Variants in PAPPA2 observed in about 807,000 individuals in gnomAD.
PAPPA2 encodes the protein pappalysin 2, also known as pappalysin-2.
PAPPA2 carries 86 observed loss-of-function variants against 176.4 expected under a neutral mutation model. The ratio of observed to expected loss-of-function variants is 0.49; its 90% CI spans 0.41 to 0.58. PAPPA2 has a LOEUF of 0.58. PAPPA2 is among the 20% of genes least tolerant of loss of function. The pLI is 0.00. For missense variants in PAPPA2, 2,073 were observed against 2,256.9 expected, an observed-to-expected ratio of 0.92 and a Z score of 1.65; for synonymous variants, 809 against 852.2, an observed-to-expected ratio of 0.95 and a Z score of 0.88.
chr1:176,628,900 C>A (rs1004507784), intron 3 of PAPPA2, among the ~76,000 whole-genome samples: 4 of 152,154 alleles, frequency 2.6e-5, no homozygotes, highest in African/African-American at 9.7e-5. Flanking sequence ...ACAGTTCTTT[C>A]ATGTTAAGAG....
intron 14 of PAPPA2, among the ~76,000 whole-genome samples, chr1:176,753,554 CTTTTTTTTTT>C (rs77817405): frequency 2.7e-5 from 2 of 73,498 alleles, no homozygotes; most frequent in Admixed American, 1.4e-4. Context: ...AAGGCTCCTC[CTTTTTTTTTT>C]TTTTTTTTTT....
chr1:176,487,921 A>C (rs1163847348), intron 1 of PAPPA2, among the ~76,000 whole-genome samples: 2 of 152,212 alleles, frequency 1.3e-5, no homozygotes, highest in Non-Finnish European at 2.9e-5. Context: ...TTCTAATTTC[A>C]ACAGAAACAA....
At chr1:176,640,319 T>A (rs1656995859) in intron 3 of PAPPA2, among the ~76,000 whole-genome samples, 2 of 150,278 alleles carry the variant, frequency 1.3e-5, no homozygotes, top group Admixed American at 1.3e-4. Flanking sequence ...ATTAGGTATA[T>A]CTCCCAATGC....
intron 17 of PAPPA2, among the ~76,000 whole-genome samples, chr1:176,783,006 G>A (rs1011244575): frequency 6.6e-6 from 1 of 152,166 alleles, no homozygotes; most frequent in African/African-American, 2.4e-5. Flanking sequence ...AGGTAAGATT[G>A]AGAGGAAGAA....
intron 21 of PAPPA2, among the ~76,000 whole-genome samples, chr1:176,833,126 C>A (rs1475267625): frequency 6.6e-6 from 1 of 152,206 alleles, no homozygotes; most frequent in African/African-American, 2.4e-5. Context: ...TCAATTACAT[C>A]TTCTCATCTC....
At chr1:176,590,687 TA>T (rs1466351265) in intron 2 of PAPPA2, among the ~76,000 whole-genome samples, 1 of 152,188 alleles carries the variant, frequency 6.6e-6, no homozygotes, top group South Asian at 2.1e-4. Context: ...CACTTTCAAA[TA>T]AGGAAACCAG....
intron 1 of PAPPA2, among the ~76,000 whole-genome samples, chr1:176,483,659 T>C (rs1485669143): frequency 6.6e-6 from 1 of 151,826 alleles, no homozygotes; most frequent in Non-Finnish European, 1.5e-5. Context: ...TTAGTAGAGA[T>C]GGGGTTTCAC....
intron 22 of PAPPA2, among the ~76,000 whole-genome samples, chr1:176,841,566 C>T (rs1240974769): frequency 6.6e-6 from 1 of 151,970 alleles, no homozygotes; most frequent in Non-Finnish European, 1.5e-5. Flanking sequence ...AAAATCATTG[C>T]CACTTTTATA....
chr1:176,515,679 C>A (rs1469908719), intron 1 of PAPPA2, among the ~76,000 whole-genome samples: 2 of 152,184 alleles, frequency 1.3e-5, no homozygotes, highest in Non-Finnish European at 2.9e-5. Context: ...CTGGGCGAGG[C>A]TGGCTTTGAG....
intron 21 of PAPPA2, among the ~76,000 whole-genome samples, chr1:176,833,929 G>A (rs538948442): frequency 2.0e-5 from 3 of 152,142 alleles, no homozygotes; most frequent in African/African-American, 2.4e-5. Flanking sequence ...TAGAGTAGAT[G>A]CCCATAAAAT....
chr1:176,649,035 A>G (rs2102739507), intron 3 of PAPPA2, among the ~76,000 whole-genome samples: 1 of 151,440 alleles, frequency 6.6e-6, no homozygotes, highest in South Asian at 2.1e-4. Flanking sequence ...AATATTTGGT[A>G]ATTTTGGACA....
At chr1:176,739,841 A>T in intron 13 of PAPPA2, 80 bp downstream of exon 13, 1 of 1,581,908 alleles carries the variant, frequency 6.3e-7, no homozygotes. Context: ...TCTGTCTTTT[A>T]TGTTGTCTGG....
chr1:176,626,252 C>A (rs1257069652), intron 3 of PAPPA2, among the ~76,000 whole-genome samples: 3 of 152,092 alleles, frequency 2.0e-5, no homozygotes, highest in Admixed American at 6.6e-5. Context: ...TTTTTCTTTA[C>A]AGTTTTATCA....
At chr1:176,517,613 C>A (rs1335344116) in intron 1 of PAPPA2, among the ~76,000 whole-genome samples, 1 of 152,066 alleles carries the variant, frequency 6.6e-6, no homozygotes, top group Non-Finnish European at 1.5e-5. Context: ...GGGACTGATG[C>A]AATTAAAAAC....
chr1:176,708,492 T>C (rs1558534041), intron 10 of PAPPA2, among the ~76,000 whole-genome samples: 2 of 149,794 alleles, frequency 1.3e-5, no homozygotes, highest in African/African-American at 4.9e-5. Context: ...AGTTACTGGG[T>C]TATAAGAAGA....
chr1:176,807,001 G>GT (rs1665935228), intron 21 of PAPPA2, among the ~76,000 whole-genome samples: 1 of 152,100 alleles, frequency 6.6e-6, no homozygotes, highest in South Asian at 2.1e-4. Flanking sequence ...ACCAATTCTG[G>GT]TTTTGGATTT....
chr1:176,528,627 G>A (rs532575049), intron 1 of PAPPA2, among the ~76,000 whole-genome samples: 1 of 152,276 alleles, frequency 6.6e-6, no homozygotes, highest in East Asian at 1.9e-4. Flanking sequence ...TCTGTCTTTT[G>A]TTGTTTCATC....
chr1:176,798,653 A>C (rs1225284363), intron 20 of PAPPA2, among the ~76,000 whole-genome samples: 1 of 152,188 alleles, frequency 6.6e-6, no homozygotes, highest in Non-Finnish European at 1.5e-5. Flanking sequence ...AGTTAACAGA[A>C]TTACTGTTGA....
chr1:176,782,391 A>G (rs1664758198), intron 17 of PAPPA2, among the ~76,000 whole-genome samples: 1 of 152,196 alleles, frequency 6.6e-6, no homozygotes, highest in Non-Finnish European at 1.5e-5. Flanking sequence ...CCAATACACA[A>G]AATAATTCAG....
Sources: allele counts gnomAD v4.1 joint callset (sites outside exome capture counted in the v4.1 genomes callset), GRCh38; gene constraint gnomAD v4.1.1; transcripts MANE v1.5; gene names NCBI Gene and HGNC (gene_info 2026-07-23, HGNC 2026-07-21).